Variants in ARHGEF7 observed in about 807,000 individuals in gnomAD.
ARHGEF7 encodes the protein PAK-interacting exchange factor beta.
In ARHGEF7, 33 loss-of-function variants were observed where a neutral mutation model predicts 109.8. The observed-to-expected ratio is 0.30, with a 90% CI of 0.23 to 0.40. ARHGEF7 has a LOEUF of 0.40. ARHGEF7 is among the 10% of genes least tolerant of loss of function. The pLI is 1.00. For synonymous variants in ARHGEF7, 458 were observed against 424.6 expected (o/e 1.08, Z -0.97); for missense variants, 938 against 1,098.5 (o/e 0.85, Z 2.07).
intron 19 of ARHGEF7, among the ~76,000 whole-genome samples, chr13:111,299,582 T>C (rs1463225551): frequency 2.6e-5 from 4 of 152,114 alleles, no homozygotes; most frequent in Non-Finnish European, 5.9e-5. Context: ...GACCTCGTGA[T>C]CCACCCGCCT....
At chr13:111,302,673 A>G (rs2153638405) in intron 21 of ARHGEF7, among the ~76,000 whole-genome samples, 1 of 152,342 alleles carries the variant, frequency 6.6e-6, no homozygotes, top group South Asian at 2.1e-4. Context: ...AAATGGACAA[A>G]AAGGCTGGAT....
chr13:111,280,663 G>A lies in ARHGEF7; in HGVS notation c.1711G>A (p.Val571Met). The A allele has an allele frequency of 6.3e-7, 1 of 1,596,292 alleles. No individual in the cohort carries two copies. Among genetic ancestry groups the A allele is most frequent in the Non-Finnish European group, 8.5e-7 (1 of 1,172,400 alleles). The change falls in exon 15 of 22, where the codon GTG (valine) becomes ATG (methionine). Residue 571 changes from valine (V) to methionine (M), a missense_variant. This residue lies in a region of ARHGEF7 where 585 missense variants were observed against 723.6 expected (regional missense o/e 0.81). Transcript: ENST00000646102. Reference sequence around the variant, plus strand: ...AAACCCCACCATAAAGCCTCATTCAGTGCCATCTCATACCGTAAGGACTTG... The same window carrying A: ...AAACCCCACCATAAAGCCTCATTCAATGCCATCTCATACCGTAAGGACTTG... Reference protein sequence around the residue: ...VGNPTIKPHSVPSHTLPSHPV... With the variant: ...VGNPTIKPHSMPSHTLPSHPV...
chr13:111,237,423 T>C (rs1347240974), intron 6 of ARHGEF7, among the ~76,000 whole-genome samples: 1 of 152,220 alleles, frequency 6.6e-6, no homozygotes, highest in Non-Finnish European at 1.5e-5. Context: ...GTTCTAATGG[T>C]GGAAATGTAA....
rs1396612840 is a variant in ARHGEF7 at position 111,258,322 on chromosome 13, A to G, written c.951-9226A>G. On this transcript the variant is annotated intron_variant, in intron 8 of 21. Transcript: ENST00000646102. The surrounding 1 kb of genome is among the most constrained non-coding windows in gnomAD (Gnocchi z 4.4). ...CTCCTCCCACAACCACAGGCAGTGC[A>G]GCCTGCACCTCCAGGAGAGACTCCT... is the stretch of plus-strand genomic sequence containing the variant. Among the ~76,000 whole-genome samples, 1 of 152,260 alleles carries G rather than the reference A, an allele frequency of 6.6e-6. No individual in the cohort carries two copies. The highest frequency in any genetic ancestry group is 1.5e-5 in the Non-Finnish European group (1 of 68,048).
At chr13:111,179,078 G>GTTTC (rs56210153) in intron 2 of ARHGEF7, among the ~76,000 whole-genome samples, 112,618 of 147,646 alleles carry the variant, frequency 0.76, 43,088 homozygotes, top group East Asian at 0.88. Context: ...TCAAATGCCT[G>GTTTC]TTCTTTTTTT....
chr13:111,141,451 T>C (rs1027866064), intron 1 of ARHGEF7, among the ~76,000 whole-genome samples: 5 of 152,008 alleles, frequency 3.3e-5, no homozygotes, highest in Non-Finnish European at 7.4e-5. Context: ...ATGGGGGAAG[T>C]GTCGCACAGC....
chr13:111,280,128 A>AT (rs2092703169), intron 13 of ARHGEF7, 144 bp from the exon 14 acceptor site: 1 of 769,640 alleles, frequency 1.3e-6, no homozygotes. Context: ...TTATACACAC[A>AT]TCTGCTACAA....
At chr13:111,129,568 T>C (rs990791815) in intron 1 of ARHGEF7, among the ~76,000 whole-genome samples, 1 of 152,210 alleles carries the variant, frequency 6.6e-6, no homozygotes, top group African/African-American at 2.4e-5. Context: ...ATGGTTTGAA[T>C]AGACATTTCA....
At chr13:111,250,735 C>T (rs547059572) in intron 8 of ARHGEF7, among the ~76,000 whole-genome samples, 45 of 152,296 alleles carry the variant, frequency 3.0e-4, no homozygotes, top group African/African-American at 9.9e-4. Flanking sequence ...TGAGGGTTCC[C>T]ATGACTCCCT....
intron 3 of ARHGEF7, among the ~76,000 whole-genome samples, chr13:111,207,283 C>G (rs1237544352): frequency 6.6e-6 from 1 of 152,334 alleles, no homozygotes; most frequent in East Asian, 1.9e-4. Flanking sequence ...GTCCTCCCAC[C>G]TCGGCCTCCT....
At position 111,258,967 on chromosome 13, in the gene ARHGEF7, C is replaced by T. The variant is rs2090775019; in HGVS notation, c.951-8581C>T. On this transcript the variant is annotated intron_variant, in intron 8 of 21. Transcript: ENST00000646102. This position sits in a 1 kb window ranked among gnomAD's most constrained non-coding sequence, Gnocchi z 4.4. The stretch of plus-strand genomic sequence containing the variant: ...GTACTTGCTGCAGGCCCGGTGGTGG[C>T]TACAGGGAGAGGTTTCCTGCTTATG... Among the ~76,000 whole-genome samples the T allele has an allele frequency of 6.6e-6, 1 of 152,138 alleles. No homozygotes were observed. Among genetic ancestry groups the T allele is most frequent in the Admixed American group, 6.5e-5 (1 of 15,270 alleles).
intron 2 of ARHGEF7, among the ~76,000 whole-genome samples, chr13:111,189,033 C>T (rs868154301): frequency 7.9e-5 from 12 of 152,320 alleles, no homozygotes; most frequent in Middle Eastern, 3.4e-3. Flanking sequence ...TTGCTCTGCT[C>T]CAAGTGTCTT....
In ARHGEF7 at chr13:111,239,172, C is replaced by T. The variant is rs141558093; in HGVS notation, c.760-4700C>T. Reference sequence around the variant, plus strand: ...TGATTCAGTTACCTCCACCCTGTCCCGCCCTTGACACATGGGGATTATTAC... The same window carrying T: ...TGATTCAGTTACCTCCACCCTGTCCTGCCCTTGACACATGGGGATTATTAC... On this transcript the variant is annotated intron_variant, in intron 6 of 21. Transcript: ENST00000646102. The surrounding 1 kb of genome is among the most constrained non-coding windows in gnomAD (Gnocchi z 4.3). 7.0e-3 allele frequency among the ~76,000 whole-genome samples: 1,059 copies of T among 152,298 alleles called. 10 individuals carry two copies. The highest frequency in any genetic ancestry group is 0.024 in the African/African-American group (984 of 41,550).
At chr13:111,133,755 GCTTTTC>G (rs2074910700) in intron 1 of ARHGEF7, among the ~76,000 whole-genome samples, 1 of 108,196 alleles carries the variant, frequency 9.2e-6, no homozygotes, top group Non-Finnish European at 1.8e-5. Flanking sequence ...CAGAGAATCT[GCTTTTC>G]TTTATATATA....
At chr13:111,166,766 G>T (rs1469445616) in intron 2 of ARHGEF7, among the ~76,000 whole-genome samples, 1 of 152,204 alleles carries the variant, frequency 6.6e-6, no homozygotes, top group Non-Finnish European at 1.5e-5. Context: ...TCTGTGAGAT[G>T]CCTCAGTGAA....
At position 111,209,992 on chromosome 13, in the gene ARHGEF7, A is replaced by G; in HGVS notation, c.458A>G (p.Tyr153Cys). 1 of 1,614,216 alleles carries G rather than the reference A, an allele frequency of 6.2e-7. No homozygotes were observed. The highest frequency in any genetic ancestry group is 8.5e-7 in the Non-Finnish European group (1 of 1,180,022). Residue 153 changes from tyrosine (Y) to cysteine (C), a missense_variant, in exon 4 of 22, where the codon TAT becomes TGT. Coordinates refer to ENST00000646102, the MANE Select transcript of ARHGEF7 (RefSeq NM_001354046.2). ...TRTSKLFQGQ[Y>C]RSLDMTDNSN... Reference sequence around the variant, plus strand: ...ACTTCAAAACTGTTCCAGGGCCAGTATCGGAGTTTGGTAAGTTTGAGAGAT... The same window carrying G: ...ACTTCAAAACTGTTCCAGGGCCAGTGTCGGAGTTTGGTAAGTTTGAGAGAT...
At chr13:111,126,400 G>A (rs2067561245) in intron 1 of ARHGEF7, among the ~76,000 whole-genome samples, 1 of 151,092 alleles carries the variant, frequency 6.6e-6, no homozygotes, top group African/African-American at 2.4e-5. Context: ...TGAGACGGGA[G>A]AATCACCTGA....
intron 1 of ARHGEF7, among the ~76,000 whole-genome samples, chr13:111,120,423 G>A (rs831147): frequency 0.2 from 30,373 of 152,134 alleles, 3,241 homozygotes; most frequent in African/African-American, 0.29. Context: ...ATGCACACAC[G>A]CATGCATGCC....
chr13:111,204,649 C>T (rs1306193262), intron 2 of ARHGEF7, among the ~76,000 whole-genome samples: 1 of 152,132 alleles, frequency 6.6e-6, no homozygotes, highest in African/African-American at 2.4e-5. Flanking sequence ...CCAGCTCCAT[C>T]GTGGTCCCAG....
Sources: gnomAD v4.1 joint callset for allele counts (sites outside exome capture counted in the v4.1 genomes callset) on GRCh38, gnomAD v4.1.1 for gene constraint, gnomAD v4.1.1 regional missense constraint, Gnocchi (gnomAD v3.1) non-coding constraint, MANE v1.5 for transcripts, NCBI Gene and HGNC (gene_info 2026-07-23, HGNC 2026-07-21) for gene names.